HS3ST2: variants seen among roughly 807,000 people sequenced by gnomAD.
HS3ST2 encodes heparan sulfate glucosamine 3-O-sulfotransferase 2.
A neutral mutation model predicts 26.3 loss-of-function variants in HS3ST2; 17 were observed. The observed-to-expected ratio is 0.65, with a 90% CI of 0.44 to 0.97. HS3ST2 has a LOEUF of 0.97. HS3ST2 is among the 50% of genes least tolerant of loss of function. HS3ST2 has a pLI of 0.00. For missense variants in HS3ST2, 402 were observed against 501.2 expected, an observed-to-expected ratio of 0.80 and a Z score of 1.89; for synonymous variants, 237 against 219.2, an observed-to-expected ratio of 1.08 and a Z score of -0.72.
At chr16:22,837,207 C>T (rs1383351891) in intron 1 of HS3ST2, among the ~76,000 whole-genome samples, 2 of 151,216 alleles carry the variant, frequency 1.3e-5, no homozygotes, top group Admixed American at 1.3e-4. Context: ...TGCTTAGTAA[C>T]CTATGTCCTC....
chr16:22,896,634 C>A (rs915562456), intron 1 of HS3ST2, among the ~76,000 whole-genome samples: 1 of 152,198 alleles, frequency 6.6e-6, no homozygotes, highest in Non-Finnish European at 1.5e-5. Context: ...TTTTTGACAT[C>A]GCTAATTCTG....
rs368114737 is a variant in HS3ST2 at position 22,903,377 on chromosome 16, T to C, written c.486-11567T>C. On this transcript the variant is annotated intron_variant, in intron 1 of 1. Transcript: ENST00000261374. ...ACTGCACAATAAGTGTCAGCTATTGTCTTGTTTATGTCCAAAGCATCGATG... is the reference window on the plus strand; with the variant it reads ...ACTGCACAATAAGTGTCAGCTATTGCCTTGTTTATGTCCAAAGCATCGATG... Among the ~76,000 whole-genome samples, 15 of 152,348 alleles carry C rather than the reference T, an allele frequency of 9.8e-5. No homozygotes were observed. The East Asian group carries it at 2.9e-3, about 29-fold the overall frequency.
At chr16:22,824,183 C>A (rs189029691) in intron 1 of HS3ST2, among the ~76,000 whole-genome samples, 1 of 152,216 alleles carries the variant, frequency 6.6e-6, no homozygotes, top group Non-Finnish European at 1.5e-5. Context: ...TGAGAGAGGA[C>A]GTCCCTTTTG....
chr16:22,877,808 C>T (rs1325353014), intron 1 of HS3ST2, among the ~76,000 whole-genome samples: 5 of 152,146 alleles, frequency 3.3e-5, no homozygotes, highest in South Asian at 2.1e-4. Context: ...CTTGTCTGAC[C>T]AAGTAAGACA....
At chr16:22,888,651 C>G (rs1419173456) in intron 1 of HS3ST2, among the ~76,000 whole-genome samples, 1 of 152,120 alleles carries the variant, frequency 6.6e-6, no homozygotes, top group Non-Finnish European at 1.5e-5. Flanking sequence ...TGGCAAAGTG[C>G]TGGGATTACA....
At chr16:22,823,967 TCA>T (rs1370909846) in intron 1 of HS3ST2, among the ~76,000 whole-genome samples, 1 of 152,220 alleles carries the variant, frequency 6.6e-6, no homozygotes, top group Non-Finnish European at 1.5e-5. Flanking sequence ...CAATGTCAAC[TCA>T]CAGGGTTACA....
intron 1 of HS3ST2, among the ~76,000 whole-genome samples, chr16:22,905,173 C>T (rs1596632607): frequency 6.6e-6 from 1 of 152,302 alleles, no homozygotes; most frequent in African/African-American, 2.4e-5. Context: ...ACAAATTTAG[C>T]AGAAAATGAA....
chr16:22,914,824 G>A, intron 1 of HS3ST2, 120 bp from the exon 2 acceptor site: 2 of 890,770 alleles, frequency 2.2e-6, no homozygotes, highest in Non-Finnish European at 3.4e-6. Flanking sequence ...AAAGCTTTGA[G>A]TGGAACAGAG....
At chr16:22,887,586 A>G (rs1902077446) in intron 1 of HS3ST2, among the ~76,000 whole-genome samples, 1 of 152,110 alleles carries the variant, frequency 6.6e-6, no homozygotes, top group African/African-American at 2.4e-5. Flanking sequence ...GCACCCTCCA[A>G]ACTATTTACA....
At chr16:22,855,696 G>GTCTCTCTCTCTC (rs3078722) in intron 1 of HS3ST2, among the ~76,000 whole-genome samples, 10,086 of 142,812 alleles carry the variant, frequency 0.071, 445 homozygotes, top group East Asian at 0.11. Context: ...CTGTCTCTCT[G>GTCTCTCTCTCTC]TCTCTCTCTC....
intron 1 of HS3ST2, among the ~76,000 whole-genome samples, chr16:22,836,461 T>G (rs1272549894): frequency 6.6e-6 from 1 of 152,220 alleles, no homozygotes; most frequent in African/African-American, 2.4e-5. Context: ...GATGCTGCAC[T>G]TAAGTCTTAT....
At chr16:22,852,531 G>A (rs1901532037) in intron 1 of HS3ST2, among the ~76,000 whole-genome samples, 1 of 152,074 alleles carries the variant, frequency 6.6e-6, no homozygotes, top group Admixed American at 6.6e-5. Flanking sequence ...GACACCCTGG[G>A]AGAAGAAGGC....
chr16:22,831,077 A>G (rs1193146639), intron 1 of HS3ST2, among the ~76,000 whole-genome samples: 1 of 152,238 alleles, frequency 6.6e-6, no homozygotes, highest in Non-Finnish European at 1.5e-5. Flanking sequence ...ATCAAAAACT[A>G]TTAGAAAGGT....
rs111564486 is a variant in HS3ST2, at chr16:22,855,702, C to G, written c.485+40607C>G. Among the ~76,000 whole-genome samples the G allele has an allele frequency of 6.7e-5, 10 of 149,762 alleles. 1 individual carries two copies. The highest frequency in any genetic ancestry group is 2.0e-4 in the African/African-American group (8 of 40,892). ...TCTGTCTCTCTGTCTCTCTGTCTCT[C>G]TCTCTCTCTCTCTCTCTCTCTCTCT... On this transcript the variant is annotated intron_variant, in intron 1 of 1. Coordinates refer to ENST00000261374, the MANE Select transcript of HS3ST2 (RefSeq NM_006043.2).
chr16:22,855,944 G>A (rs1352586215), intron 1 of HS3ST2, among the ~76,000 whole-genome samples: 1 of 152,144 alleles, frequency 6.6e-6, no homozygotes, highest in Non-Finnish European at 1.5e-5. Flanking sequence ...TGTTCTGCCT[G>A]GTTTGGGCAT....
chr16:22,864,907 C>T (rs1057379635), intron 1 of HS3ST2, among the ~76,000 whole-genome samples: 2 of 105,354 alleles, frequency 1.9e-5, no homozygotes, highest in East Asian at 3.3e-4. Flanking sequence ...AAAAAATAGC[C>T]GGGCATGGTG....
At chr16:22,834,311 G>A (rs1334981342) in intron 1 of HS3ST2, among the ~76,000 whole-genome samples, 2 of 152,116 alleles carry the variant, frequency 1.3e-5, no homozygotes, top group South Asian at 2.1e-4. Flanking sequence ...CAAATCATGT[G>A]TATACTTAAT....
intron 1 of HS3ST2, among the ~76,000 whole-genome samples, chr16:22,832,171 A>ATTTTTTTTTTTTTTTT (rs1289839839): frequency 8.9e-5 from 10 of 112,202 alleles, no homozygotes; most frequent in African/African-American, 2.2e-4. Context: ...TTTTTTTTTA[A>ATTTTTTTTTTTTTTTT]TTTTTAGTGG....
intron 1 of HS3ST2, among the ~76,000 whole-genome samples, chr16:22,893,583 G>A (rs981878144): frequency 2.7e-5 from 4 of 147,230 alleles, no homozygotes; most frequent in African/African-American, 7.5e-5. Flanking sequence ...AGACGCAATG[G>A]TATTGATCTT....
Sources: allele counts gnomAD v4.1 joint callset (sites outside exome capture counted in the v4.1 genomes callset), GRCh38; gene constraint gnomAD v4.1.1; transcripts MANE v1.5; gene names NCBI Gene and HGNC (gene_info 2026-07-23, HGNC 2026-07-21).